Variants in CASD1 observed in about 807,000 individuals in gnomAD.
CASD1 encodes N-acetylneuraminate (7)9-O-acetyltransferase.
Under a neutral mutation model 100.0 loss-of-function variants are expected in CASD1, and 41 were observed. The ratio of observed to expected loss-of-function variants is 0.41; its 90% confidence interval spans 0.32 to 0.53. The LOEUF (loss-of-function observed/expected upper bound fraction) is 0.53. Among genes scored for constraint, CASD1 ranks in the 20% least tolerant of loss-of-function variants. The pLI is 0.25. For synonymous variants in CASD1, 321 were observed against 315.6 expected, an observed-to-expected ratio of 1.02 and a Z score of -0.18; for missense variants, 774 against 948.7, an observed-to-expected ratio of 0.82 and a Z score of 2.42.
intron 7 of CASD1, among the ~76,000 whole-genome samples, chr7:94,534,360 G>T (rs1296115770): frequency 1.3e-5 from 2 of 151,590 alleles, no homozygotes; most frequent in African/African-American, 2.4e-5. Flanking sequence ...TAGAGACAGG[G>T]TTTCGCTGTG....
chr7:94,509,986 C>A lies in CASD1; in HGVS notation c.-99C>A. On this transcript the variant is annotated 5_prime_UTR_variant, in exon 1 of 18. Coordinates refer to ENST00000297273, the MANE Select transcript of CASD1 (RefSeq NM_022900.5). ...AGGTGGCGGCCTGGGGAGCTGGCGG[C>A]CGCTCCTCGCCTGGCTGCAGCGGCG... 8.0e-7 allele frequency: 1 copy of A among 1,244,020 alleles called. No individual in the cohort carries two copies. Among genetic ancestry groups the A allele is most frequent in the Non-Finnish European group, 1.0e-6 (1 of 984,840 alleles). The allele number at this position is 1,244,020 out of a possible 1,614,324, so 77.1% of individuals were successfully genotyped here.
chr7:94,623,652 C>T, the CASD1 span: 1 of 481,546 alleles, frequency 2.1e-6, no homozygotes, highest in South Asian at 4.4e-5. Context: ...CATAGAAGGC[C>T]ATTAAGCACT....
At chr7:94,560,141 A>G (rs1193563252), downstream of CASD1, among the ~76,000 whole-genome samples, 1 of 152,216 alleles carries the variant, frequency 6.6e-6, no homozygotes, top group African/African-American at 2.4e-5. Context: ...TCACAGGGTC[A>G]AAGTCCTGCT....
the CASD1 span, among the ~76,000 whole-genome samples, chr7:94,616,106 T>TA: frequency 6.1e-4 from 92 of 151,826 alleles, no homozygotes; most frequent in Non-Finnish European, 1.0e-3. Flanking sequence ...CTGCAGAGAT[T>TA]AAAAAAAATG....
chr7:94,618,021 C>G, the CASD1 span: 1 of 152,322 alleles, frequency 6.6e-6, no homozygotes, highest in African/African-American at 2.4e-5. Context: ...TCTGCCTCAA[C>G]CTACAGATTA....
At position 94,537,922 on chromosome 7, in the gene CASD1, G is replaced by A. The variant is rs200780997; in HGVS notation, c.1266+28G>A. 3.0e-5 allele frequency: 37 copies of A among 1,249,050 alleles called. No homozygotes were observed. The East Asian group carries it at 8.4e-4, about 28-fold the overall frequency. The allele number at this position is 1,249,050 out of a possible 1,614,324, so 77.4% of individuals were successfully genotyped here. A position where few individuals can be genotyped will look rare whatever the true frequency, so the allele number is the denominator to read the frequency against. On this transcript the variant is annotated intron_variant, in intron 9 of 17. Coordinates refer to ENST00000297273, the MANE Select transcript of CASD1 (RefSeq NM_022900.5). Reference sequence around the variant, plus strand: ...AAGAGTCATTTTCTTTTTAACTCATGTTACCCTTCTTGTCTCATTACATAC... The same window carrying A: ...AAGAGTCATTTTCTTTTTAACTCATATTACCCTTCTTGTCTCATTACATAC...
the CASD1 span, among the ~76,000 whole-genome samples, chr7:94,612,798 T>C: frequency 2.3e-4 from 35 of 152,096 alleles, no homozygotes; most frequent in Non-Finnish European, 2.1e-4. Flanking sequence ...TGTTCCTCCT[T>C]CTATCTTCTT....
chr7:94,619,566 ATT>A, the CASD1 span: 1 of 152,208 alleles, frequency 6.6e-6, no homozygotes, highest in Non-Finnish European at 1.5e-5. Flanking sequence ...AGTAAATATA[ATT>A]TGTTACTCAA....
chr7:94,541,518 G>A (rs1318311385), intron 10 of CASD1, among the ~76,000 whole-genome samples: 1 of 142,254 alleles, frequency 7.0e-6, no homozygotes, highest in Non-Finnish European at 1.5e-5. Context: ...ATATACAGTA[G>A]GTGATTTGTG....
At chr7:94,511,100 TC>T (rs1221904694) in intron 1 of CASD1, among the ~76,000 whole-genome samples, 2 of 152,242 alleles carry the variant, frequency 1.3e-5, no homozygotes, top group African/African-American at 2.4e-5. Context: ...TTGTTTTTTT[TC>T]CTTTGTAAAA....
chr7:94,578,029 G>A, the CASD1 span, among the ~76,000 whole-genome samples: 2 of 152,104 alleles, frequency 1.3e-5, no homozygotes, highest in Non-Finnish European at 2.9e-5. Flanking sequence ...ATAGGGCCAG[G>A]TAAAGTGCCA....
chr7:94,629,005 C>A, the CASD1 span: 1 of 152,234 alleles, frequency 6.6e-6, no homozygotes, highest in African/African-American at 2.4e-5. Flanking sequence ...TTTTCAGGTA[C>A]AGTATTCATC....
chr7:94,600,463 G>A, the CASD1 span: 1 of 577,594 alleles, frequency 1.7e-6, no homozygotes, highest in East Asian at 2.9e-5. Flanking sequence ...CCCCTAATTT[G>A]ATTTACTAGA....
At chr7:94,629,823 T>C in the CASD1 span, 2 of 1,610,828 alleles carry the variant, frequency 1.2e-6, no homozygotes, top group Middle Eastern at 1.7e-4. Context: ...GGAGTGTACC[T>C]TGGAGAAAAT....
At chr7:94,520,193 A>G (rs1302942171) in intron 3 of CASD1, among the ~76,000 whole-genome samples, 1 of 152,208 alleles carries the variant, frequency 6.6e-6, no homozygotes, top group East Asian at 1.9e-4. Flanking sequence ...ATTATGTGTT[A>G]CCTTGTCTCT....
downstream of CASD1, among the ~76,000 whole-genome samples, chr7:94,560,974 A>T (rs776503970): frequency 6.6e-6 from 1 of 152,224 alleles, no homozygotes; most frequent in East Asian, 1.9e-4. Flanking sequence ...GCCCAAAAAC[A>T]TAATAGAAAA....
the CASD1 span, chr7:94,629,552 T>G: frequency 1.5e-6 from 1 of 657,938 alleles, no homozygotes; most frequent in Non-Finnish European, 2.6e-6. Flanking sequence ...TTTTTGTCTG[T>G]AATTAAATTT....
rs563301803 is a variant in CASD1, at chr7:94,556,262, G to C, written c.*504G>C. 6.5e-6 allele frequency: 1 copy of C among 153,284 alleles called. No individual in the cohort carries two copies. The highest frequency in any genetic ancestry group is 1.9e-4 in the East Asian group (1 of 5,192). The allele number at this position is 153,284 out of a possible 1,614,324, so 9.5% of individuals were successfully genotyped here. Reference sequence around the variant, plus strand: ...GTTTTCTTATATGTGCAATGAAGTGGAATGATAAACAGTATGCCTTTAATT... The same window carrying C: ...GTTTTCTTATATGTGCAATGAAGTGCAATGATAAACAGTATGCCTTTAATT... On this transcript the variant is annotated 3_prime_UTR_variant, in exon 18 of 18. Coordinates refer to ENST00000297273, the MANE Select transcript of CASD1 (RefSeq NM_022900.5).
At position 94,541,152 on chromosome 7, in the gene CASD1, G is replaced by T. The variant is rs571452369; in HGVS notation, c.1356+2096G>T. 5.4e-4 allele frequency among the ~76,000 whole-genome samples: 82 copies of T among 152,030 alleles called. 1 individual carries two copies. Among genetic ancestry groups the T allele is most frequent in the African/African-American group, 1.8e-3 (75 of 41,532 alleles). ...TCCCTGTTCTTTTATATAGGATGTTGTAGTTAAAAAATTTCCTATATCTAC... is the reference window on the plus strand; with the variant it reads ...TCCCTGTTCTTTTATATAGGATGTTTTAGTTAAAAAATTTCCTATATCTAC... On this transcript the variant is annotated intron_variant, in intron 10 of 17. Coordinates refer to ENST00000297273, the MANE Select transcript of CASD1 (RefSeq NM_022900.5).
Sources: gnomAD v4.1 joint callset for allele counts (sites outside exome capture counted in the v4.1 genomes callset) on GRCh38, gnomAD v4.1.1 for gene constraint, MANE v1.5 for transcripts, NCBI Gene and HGNC (gene_info 2026-07-23, HGNC 2026-07-21) for gene names.